Variants in HECTD4 observed in about 807,000 individuals in gnomAD.
HECTD4 encodes the protein probable E3 ubiquitin-protein ligase HECTD4.
Under a neutral mutation model 471.5 loss-of-function variants are expected in HECTD4, and 114 were observed. The ratio of observed to expected loss-of-function variants is 0.24; its 90% CI spans 0.21 to 0.28. The LOEUF is 0.28. Ranked by LOEUF, HECTD4 falls within the 10% of genes least tolerant of loss-of-function variation. The pLI, the probability that HECTD4 is intolerant of heterozygous loss-of-function variation, is 1.00. For synonymous variants in HECTD4, 2,012 were observed against 2,256.0 expected (o/e 0.89, Z 3.07); for missense variants, 3,866 against 5,651.5 (o/e 0.68, Z 10.13).
At chr12:112,263,304 G>T (rs928981941) in intron 17 of HECTD4, among the ~76,000 whole-genome samples, 1 of 152,166 alleles carries the variant, frequency 6.6e-6, no homozygotes, top group African/African-American at 2.4e-5. Context: ...GGGGCAAACT[G>T]CATTGGCTTT....
intron 35 of HECTD4, among the ~76,000 whole-genome samples, chr12:112,236,729 T>A (rs1160200112): frequency 6.6e-6 from 1 of 152,222 alleles, no homozygotes; most frequent in African/African-American, 2.4e-5. Context: ...GATATATTAT[T>A]TTATGATTTA....
In HECTD4 at chr12:112,283,018, G is replaced by C. The variant is rs910140908; in HGVS notation, c.1528+92C>G. On this transcript the variant is annotated intron_variant, in intron 8 of 75. Transcript: ENST00000682272. ...AATAAAGTCAACTATGCAAAGGAAA[G>C]GGCTTTGTACAGCACGGACGAAGTG... is the stretch of plus-strand genomic sequence containing the variant. 4 of 948,724 alleles carry C rather than the reference G, an allele frequency of 4.2e-6. No homozygotes were observed. In the African/African-American group the frequency reaches 6.5e-5, roughly 16 times the overall value. The allele number at this position is 948,724 out of a possible 1,614,324, so 58.8% of individuals were successfully genotyped here. A position where few individuals can be genotyped will look rare whatever the true frequency, so the allele number is the denominator to read the frequency against.
intron 4 of HECTD4, among the ~76,000 whole-genome samples, chr12:112,309,988 A>G (rs2035342705): frequency 6.6e-6 from 1 of 152,206 alleles, no homozygotes; most frequent in African/African-American, 2.4e-5. Flanking sequence ...CTAATTTGAA[A>G]TGACTAATCA....
intron 1 of HECTD4, among the ~76,000 whole-genome samples, chr12:112,329,549 G>A (rs2035807952): frequency 6.6e-6 from 1 of 151,902 alleles, no homozygotes; most frequent in Non-Finnish European, 1.5e-5. Context: ...TGTATTTTTG[G>A]TAGAGACAGG....
At chr12:112,220,335 A>G (rs2033052109) in intron 44 of HECTD4, among the ~76,000 whole-genome samples, 1 of 152,100 alleles carries the variant, frequency 6.6e-6, no homozygotes, top group African/African-American at 2.4e-5. Flanking sequence ...AGGGAAAATA[A>G]GATGCGCACA....
intron 1 of HECTD4, among the ~76,000 whole-genome samples, chr12:112,355,907 T>G (rs993242112): frequency 6.6e-6 from 1 of 152,230 alleles, no homozygotes; most frequent in African/African-American, 2.4e-5. Flanking sequence ...TCACCTTTCT[T>G]AATACTCAAA....
At chr12:112,203,809 G>T (rs2032497942) in intron 53 of HECTD4, 37 bp from the exon 54 acceptor site, 2 of 1,463,634 alleles carry the variant, frequency 1.4e-6, no homozygotes, top group Non-Finnish European at 1.8e-6. Context: ...TCAGGAAAAA[G>T]TACCACTGCA....
chr12:112,298,480 A>ATTT (rs199649818), intron 7 of HECTD4, among the ~76,000 whole-genome samples: 2 of 132,780 alleles, frequency 1.5e-5, no homozygotes, highest in South Asian at 2.4e-4. Flanking sequence ...AATTATATTA[A>ATTT]TTTTTTTTTT....
chr12:112,254,460 T>C (rs951308221), intron 21 of HECTD4, among the ~76,000 whole-genome samples: 11 of 152,204 alleles, frequency 7.2e-5, no homozygotes, highest in Admixed American at 3.3e-4. Flanking sequence ...ATAGTTATAC[T>C]CAGTTATTGT....
chr12:112,299,192 C>A (rs1319560187), intron 7 of HECTD4, among the ~76,000 whole-genome samples: 1 of 152,008 alleles, frequency 6.6e-6, no homozygotes. Flanking sequence ...CCTATTTTTT[C>A]TTTTTTGCTC....
chr12:112,360,200 T>A (rs1218538247), intron 1 of HECTD4, among the ~76,000 whole-genome samples: 3 of 152,156 alleles, frequency 2.0e-5, no homozygotes, highest in African/African-American at 7.2e-5. Context: ...GCACCTATAG[T>A]CCCAGCTACT....
At chr12:112,287,474 C>G (rs903089289) in intron 7 of HECTD4, among the ~76,000 whole-genome samples, 2 of 152,002 alleles carry the variant, frequency 1.3e-5, no homozygotes, top group Admixed American at 1.3e-4. Flanking sequence ...ATTGACAATA[C>G]CTTTAGGAAG....
rs2034681835 is a variant in HECTD4, at chr12:112,283,310, A to G, written c.1336-8T>C. The G allele has an allele frequency of 1.3e-6, 2 of 1,597,838 alleles. No individual in the cohort carries two copies. Among genetic ancestry groups the G allele is most frequent in the Non-Finnish European group, 1.7e-6 (2 of 1,170,220 alleles). Reference sequence around the variant, plus strand: ...AAATACACCATTTTCAACCTAACATAGAAAAAAAGGAGGTCCTAAAATGAT... The same window carrying G: ...AAATACACCATTTTCAACCTAACATGGAAAAAAAGGAGGTCCTAAAATGAT... On this transcript the variant is annotated splice_region_variant and splice_polypyrimidine_tract_variant and intron_variant, in intron 7 of 75. Coordinates refer to ENST00000682272, the MANE Select transcript of HECTD4 (RefSeq NM_001388303.1).
At position 112,178,872 on chromosome 12, in the gene HECTD4, G is replaced by A. The variant is rs565428309; in HGVS notation, c.11363+59C>T. The A allele has an allele frequency of 3.9e-6, 6 of 1,538,410 alleles. No individual in the cohort carries two copies. The South Asian group carries it at 6.2e-5, about 16-fold the overall frequency. The stretch of plus-strand genomic sequence containing the variant: ...GCTGCCGCCCCTCAGGCTCCTGCTC[G>A]GAGGCCTCCCCCACATCTGCCCACA... On this transcript the variant is annotated intron_variant, in intron 64 of 75. Coordinates refer to ENST00000682272, the MANE Select transcript of HECTD4 (RefSeq NM_001388303.1).
chr12:112,171,437 A>G, intron 67 of HECTD4, 174 bp from the exon 68 acceptor site: 1 of 1,047,606 alleles, frequency 9.5e-7, no homozygotes, highest in South Asian at 1.6e-5. Context: ...GCCTATGCCA[A>G]GCAGACACAA....
chr12:112,319,431 A>G lies in HECTD4; in HGVS notation c.489T>C (p.Ser163=). 8 of 1,536,074 alleles carry G rather than the reference A, an allele frequency of 5.2e-6. No individual in the cohort carries two copies. Among genetic ancestry groups the G allele is most frequent in the Non-Finnish European group, 6.1e-6 (7 of 1,146,862 alleles). Residue 163 remains serine (S), a synonymous_variant, in exon 2 of 76, where the codon TCT becomes TCC. Transcript: ENST00000682272. This position sits in a 1 kb window ranked among gnomAD's most constrained non-coding sequence, Gnocchi z 5.3. ...LIQSQSRTDP[S]LCNITAEVLL... ...GCACCTCAGCAGTTATGTTACAGAG[A>G]GAGGGGTCTGTTCTACTCTGGGACT... is the stretch of plus-strand genomic sequence containing the variant.
intron 71 of HECTD4, 23 bp from the exon 72 acceptor site, chr12:112,167,561 G>C: frequency 6.5e-7 from 1 of 1,540,998 alleles, no homozygotes; most frequent in Non-Finnish European, 8.8e-7. Flanking sequence ...GTGGGCATGA[G>C]GTGACCTGGG....
chr12:112,336,288 C>T (rs1291196253), intron 1 of HECTD4, among the ~76,000 whole-genome samples: 1 of 152,036 alleles, frequency 6.6e-6, no homozygotes, highest in African/African-American at 2.4e-5. Context: ...CTTTGGGAGG[C>T]CGAGGCAGGT....
chr12:112,296,139 T>TGTAGGTGCAGCAGGTG (rs1343183073), intron 7 of HECTD4, among the ~76,000 whole-genome samples: 4 of 151,980 alleles, frequency 2.6e-5, no homozygotes, highest in Non-Finnish European at 5.9e-5. Context: ...GTGCAGAGGG[T>TGTAGGTGCAGCAGGTG]GTAGGTGCAG....
Sources: allele counts gnomAD v4.1 joint callset (sites outside exome capture counted in the v4.1 genomes callset), GRCh38; gene constraint gnomAD v4.1.1; non-coding constraint Gnocchi (gnomAD v3.1); transcripts MANE v1.5; gene names NCBI Gene and HGNC (gene_info 2026-07-23, HGNC 2026-07-21).